The following YY1 variants were observed in gnomAD, a reference collection of about 807,000 sequenced individuals.
YY1 encodes the protein YY1 transcription factor.
Under a neutral mutation model 35.6 loss-of-function variants are expected in YY1, and 2 were observed. That is an observed-to-expected ratio of 0.06 (90% CI 0.02 to 0.18). The LOEUF (loss-of-function observed/expected upper bound fraction) is 0.18. Ranked by LOEUF, YY1 falls within the 10% of genes least tolerant of loss-of-function variation. The pLI, the probability that YY1 is intolerant of heterozygous loss-of-function variation, is 1.00. For missense variants in YY1, 322 were observed against 573.4 expected (o/e 0.56, Z 4.48); for synonymous variants, 268 against 238.9 (o/e 1.12, Z -1.12).
intron 1 of YY1, among the ~76,000 whole-genome samples, chr14:100,244,245 T>C (rs986762448): frequency 6.6e-6 from 1 of 151,860 alleles, no homozygotes; most frequent in Non-Finnish European, 1.5e-5. Flanking sequence ...AATATCAGTA[T>C]AGGAATCTAA....
intron 1 of YY1, among the ~76,000 whole-genome samples, chr14:100,247,295 T>C (rs1311727987): frequency 6.6e-6 from 1 of 152,244 alleles, no homozygotes; most frequent in Non-Finnish European, 1.5e-5. Flanking sequence ...ATTTAACTCT[T>C]GATCTGCTCA....
intron 3 of YY1, among the ~76,000 whole-genome samples, chr14:100,275,100 A>G (rs993641395): frequency 3.3e-5 from 5 of 152,198 alleles, no homozygotes; most frequent in African/African-American, 1.2e-4. Context: ...TGTAACTGAA[A>G]TTTGAAAATT....
rs1044391174 is a variant in YY1, at chr14:100,254,214, T to C, written c.680-8090T>C. Among the ~76,000 whole-genome samples the C allele has an allele frequency of 5.9e-5, 9 of 152,324 alleles. No homozygotes were observed. The South Asian group carries it at 8.3e-4, about 14-fold the overall frequency. ...AATAAATAAAAATTACTAGCTTCTT[T>C]TACAGCATCATAAATTTCTATTCTA... is the stretch of plus-strand genomic sequence containing the variant. On this transcript the variant is annotated intron_variant, in intron 1 of 4. Transcript: ENST00000262238.
At chr14:100,240,851 T>G (rs1193862199) in intron 1 of YY1, among the ~76,000 whole-genome samples, 1 of 152,228 alleles carries the variant, frequency 6.6e-6, no homozygotes, top group Non-Finnish European at 1.5e-5. Context: ...GTTAGTTTAC[T>G]CAACTGTGGA....
In YY1 at chr14:100,276,733, C is replaced by T. The variant is rs1486221060; in HGVS notation, c.1062+85C>T. ...GGTGGTGTGGTGATGAGGCAGGAGGCGCCAGCCCAGAGACTCAGGGTCTTA... is the reference window on the plus strand; with the variant it reads ...GGTGGTGTGGTGATGAGGCAGGAGGTGCCAGCCCAGAGACTCAGGGTCTTA... On this transcript the variant is annotated intron_variant, in intron 4 of 4. Coordinates refer to ENST00000262238, the MANE Select transcript of YY1 (RefSeq NM_003403.5). The surrounding 1 kb of genome is among the most constrained non-coding windows in gnomAD (Gnocchi z 4.1). The T allele has an allele frequency of 6.3e-6, 10 of 1,598,098 alleles. No individual in the cohort carries two copies. Among genetic ancestry groups the T allele is most frequent in the East Asian group, 2.2e-5 (1 of 44,814 alleles).
At chr14:100,272,059 C>G (rs1013490519) in intron 2 of YY1, among the ~76,000 whole-genome samples, 1 of 151,880 alleles carries the variant, frequency 6.6e-6, no homozygotes, top group Non-Finnish European at 1.5e-5. Flanking sequence ...TGAAAATGTT[C>G]TCGTGGGTGG....
intron 2 of YY1, among the ~76,000 whole-genome samples, chr14:100,269,038 G>A (rs1334720425): frequency 6.6e-6 from 1 of 152,044 alleles, no homozygotes; most frequent in Non-Finnish European, 1.5e-5. Context: ...ATTATAAATC[G>A]GGCAGTCATG....
chr14:100,253,577 C>T (rs1890956653), intron 1 of YY1, among the ~76,000 whole-genome samples: 1 of 151,990 alleles, frequency 6.6e-6, no homozygotes, highest in African/African-American at 2.4e-5. Flanking sequence ...GCCACCATGC[C>T]CAGCTAATTT....
intron 1 of YY1, among the ~76,000 whole-genome samples, chr14:100,260,692 C>T (rs751184612): frequency 2.7e-5 from 4 of 146,804 alleles, no homozygotes; most frequent in African/African-American, 1.0e-4. Context: ...AGGATGGTCT[C>T]GATCTCCTGA....
intron 1 of YY1, among the ~76,000 whole-genome samples, chr14:100,258,866 A>G (rs2139585414): frequency 6.6e-6 from 1 of 152,374 alleles, no homozygotes; most frequent in South Asian, 2.1e-4. Flanking sequence ...AGAGTGATTG[A>G]ACTTGATAAT....
At chr14:100,244,032 C>T (rs1890790927) in intron 1 of YY1, among the ~76,000 whole-genome samples, 1 of 150,808 alleles carries the variant, frequency 6.6e-6, no homozygotes, top group Admixed American at 6.6e-5. Flanking sequence ...GGCGTGAACA[C>T]GGGAGGCGGA....
In YY1 at chr14:100,278,724, C is replaced by T. The variant is rs1161921700; in HGVS notation, c.*1124C>T. 3 of 152,272 alleles carry T rather than the reference C, an allele frequency of 2.0e-5. No individual in the cohort carries two copies. The highest frequency in any genetic ancestry group is 4.4e-5 in the Non-Finnish European group (3 of 68,072). The allele number at this position is 152,272 out of a possible 1,614,324, so 9.4% of individuals were successfully genotyped here. Reference sequence around the variant, plus strand: ...AGGAACTACCTCAGAACACCCCAGGCCAGGTTGGTCATAGGCTGTGATTTT... The same window carrying T: ...AGGAACTACCTCAGAACACCCCAGGTCAGGTTGGTCATAGGCTGTGATTTT... On this transcript the variant is annotated 3_prime_UTR_variant, in exon 5 of 5. Coordinates refer to ENST00000262238, the MANE Select transcript of YY1 (RefSeq NM_003403.5).
intron 2 of YY1, 135 bp downstream of exon 2, chr14:100,262,601 A>G: frequency 9.9e-7 from 1 of 1,011,898 alleles, no homozygotes; most frequent in African/African-American, 1.6e-5. Flanking sequence ...AAAAGCAGTC[A>G]GTTTTATTTG....
At chr14:100,268,627 A>G (rs990033808) in intron 2 of YY1, among the ~76,000 whole-genome samples, 2 of 152,242 alleles carry the variant, frequency 1.3e-5, no homozygotes, top group African/African-American at 2.4e-5. Context: ...AGATGAAAAT[A>G]CCTCACAACT....
chr14:100,240,715 T>C (rs12890225), intron 1 of YY1, among the ~76,000 whole-genome samples: 100,487 of 152,112 alleles, frequency 0.66, 33,710 homozygotes, highest in South Asian at 0.8. Context: ...ATTCCTGGCC[T>C]TTTCGCCTTC....
chr14:100,271,630 T>G (rs1337833005), intron 2 of YY1, among the ~76,000 whole-genome samples: 2 of 152,222 alleles, frequency 1.3e-5, no homozygotes, highest in Non-Finnish European at 2.9e-5. Context: ...AATTCATTTG[T>G]GTTTCATTAC....
At position 100,277,127 on chromosome 14, in the gene YY1, G is replaced by T; in HGVS notation, c.1063-291G>T. 1 of 509,710 alleles carries T rather than the reference G, an allele frequency of 2.0e-6. No homozygotes were observed. Among genetic ancestry groups the T allele is most frequent in the Non-Finnish European group, 3.5e-6 (1 of 281,720 alleles). The allele number at this position is 509,710 out of a possible 1,614,324, so 31.6% of individuals were successfully genotyped here. The stretch of plus-strand genomic sequence containing the variant: ...CTGACACCAGAACCCTTAATCATTT[G>T]TATTTTACTGTTGGAAATGTTTACA... On this transcript the variant is annotated intron_variant, in intron 4 of 4. Transcript: ENST00000262238. The surrounding 1 kb of genome is among the most constrained non-coding windows in gnomAD (Gnocchi z 5.6).
At position 100,282,107 on chromosome 14, in the gene YY1, G is replaced by A. The variant is rs1404022976; in HGVS notation, c.*4507G>A. The A allele has an allele frequency of 2.0e-5, 3 of 152,228 alleles. No homozygotes were observed. Among genetic ancestry groups the A allele is most frequent in the African/African-American group, 7.2e-5 (3 of 41,446 alleles). 9.4% of individuals were successfully genotyped at this position (152,228 alleles called of 1,614,324 possible). ...TCCCACAAACTGGGTGCCGTAAGGT[G>A]GGAGGTGACACATGGAGAGCTTCGT... On this transcript the variant is annotated 3_prime_UTR_variant, in exon 5 of 5. Coordinates refer to ENST00000262238, the MANE Select transcript of YY1 (RefSeq NM_003403.5).
chr14:100,272,767 T>C lies in YY1; in HGVS notation c.843-1931T>C, dbSNP rs543281281. Among the ~76,000 whole-genome samples, 10 of 152,134 alleles carry C rather than the reference T, an allele frequency of 6.6e-5. No homozygotes were observed. The South Asian group carries it at 2.1e-3, about 32-fold the overall frequency. On this transcript the variant is annotated intron_variant, in intron 2 of 4. Coordinates refer to ENST00000262238, the MANE Select transcript of YY1 (RefSeq NM_003403.5). ...CCGAGTGCACCCCTCGCCAGAGCAG[T>C]GTACACTGTATCCGGTATGTAGTCT...
Sources: allele counts gnomAD v4.1 joint callset (sites outside exome capture counted in the v4.1 genomes callset), GRCh38; gene constraint gnomAD v4.1.1; non-coding constraint Gnocchi (gnomAD v3.1); transcripts MANE v1.5; gene names NCBI Gene and HGNC (gene_info 2026-07-23, HGNC 2026-07-21).